Variants in MECOM observed in about 807,000 individuals in gnomAD.
MECOM encodes the protein histone-lysine N-methyltransferase MECOM.
MECOM carries 13 observed loss-of-function variants against 116.3 expected under a neutral mutation model. That is an observed-to-expected ratio of 0.11 (90% CI 0.07 to 0.18). The LOEUF (loss-of-function observed/expected upper bound fraction) is 0.18, where lower values mean the gene tolerates loss of function less well. Ranked by LOEUF, MECOM falls within the 10% of genes least tolerant of loss-of-function variation. The pLI is 1.00. For missense variants in MECOM, 1,299 were observed against 1,509.0 expected (o/e 0.86, Z 2.31); for synonymous variants, 528 against 535.2 (o/e 0.99, Z 0.19).
rs964287290 is a variant in MECOM at position 169,265,951 on chromosome 3, GGCTTCTAGCATTATT to G, written c.375+115221_375+115235del. On this transcript the variant is annotated intron_variant, in intron 2 of 16. Coordinates refer to ENST00000651503, the MANE Select transcript of MECOM (RefSeq NM_004991.4). ...CATTAATGGATTTCCAGATGTGGGA[GGCTTCTAGCATTATT>G]GCTTCTTGAAATCTCTTTGATGTCT... is the stretch of plus-strand genomic sequence containing the variant. Among the ~76,000 whole-genome samples, 47 of 152,296 alleles carry G rather than the reference GGCTTCTAGCATTATT, an allele frequency of 3.1e-4. 1 individual carries two copies. Among genetic ancestry groups the G allele is most frequent in the South Asian group, 2.1e-3 (10 of 4,824 alleles).
intron 1 of MECOM, among the ~76,000 whole-genome samples, chr3:169,626,427 A>T (rs1447735502): frequency 6.6e-6 from 1 of 152,228 alleles, no homozygotes; most frequent in African/African-American, 2.4e-5. Flanking sequence ...CCCTCAAAGT[A>T]GTTAACAGGA....
At chr3:169,603,572 C>T (rs1429022774) in intron 1 of MECOM, among the ~76,000 whole-genome samples, 1 of 152,236 alleles carries the variant, frequency 6.6e-6, no homozygotes, top group Non-Finnish European at 1.5e-5. Context: ...ACTTCCAGTC[C>T]TGCAAGCTCC....
At chr3:169,514,766 T>G (rs986237710) in intron 1 of MECOM, among the ~76,000 whole-genome samples, 1 of 152,176 alleles carries the variant, frequency 6.6e-6, no homozygotes, top group Admixed American at 6.5e-5. Flanking sequence ...AAATAACCCC[T>G]GAATGGGTTC....
At position 169,514,528 on chromosome 3, in the gene MECOM, A is replaced by G. The variant is rs558228525; in HGVS notation, c.38-133004T>C. On this transcript the variant is annotated intron_variant, in intron 1 of 16. Coordinates refer to ENST00000651503, the MANE Select transcript of MECOM (RefSeq NM_004991.4). Reference sequence around the variant, plus strand: ...AAAAAGGAATCAAGGTGAATGGAGGATCAACTGTGACCACACTGACTACTG... The same window carrying G: ...AAAAAGGAATCAAGGTGAATGGAGGGTCAACTGTGACCACACTGACTACTG... 2.0e-5 allele frequency among the ~76,000 whole-genome samples: 3 copies of G among 152,350 alleles called. No homozygotes were observed. In the East Asian group the frequency reaches 5.8e-4, roughly 29 times the overall value.
chr3:169,202,820 A>T (rs529538933), intron 2 of MECOM, among the ~76,000 whole-genome samples: 68 of 42,302 alleles, frequency 1.6e-3, no homozygotes, highest in African/African-American at 0.013. Context: ...TGCCATTAGC[A>T]AAAAAAAAAA....
intron 2 of MECOM, chr3:169,147,445 G>A: frequency 1.0e-6 from 1 of 985,454 alleles, no homozygotes; most frequent in Non-Finnish European, 1.2e-6. Flanking sequence ...GAGAAAGGGA[G>A]CTATCTCCCG....
At chr3:169,332,635 T>C (rs1021058821) in intron 2 of MECOM, among the ~76,000 whole-genome samples, 1 of 152,206 alleles carries the variant, frequency 6.6e-6, no homozygotes, top group Non-Finnish European at 1.5e-5. Flanking sequence ...ACCCATATCT[T>C]ACAGATGCAT....
chr3:169,397,783 T>C (rs1243730652), intron 1 of MECOM, among the ~76,000 whole-genome samples: 2 of 152,054 alleles, frequency 1.3e-5, no homozygotes, highest in African/African-American at 4.8e-5. Context: ...AAGTGAGGAG[T>C]AGAAAGGATT....
At chr3:169,516,183 A>G (rs1284665251) in intron 1 of MECOM, among the ~76,000 whole-genome samples, 1 of 152,236 alleles carries the variant, frequency 6.6e-6, no homozygotes, top group African/African-American at 2.4e-5. Flanking sequence ...AGTATGTCAT[A>G]TATAATTCTC....
intron 11 of MECOM, 28 bp from the exon 12 acceptor site, chr3:169,100,990 A>G (rs879260978): frequency 1.3e-6 from 2 of 1,550,496 alleles, no homozygotes; most frequent in Non-Finnish European, 8.9e-7. Flanking sequence ...TTATAAGAGA[A>G]AGTCAGCACA....
chr3:169,258,753 A>G (rs764976482), intron 2 of MECOM, among the ~76,000 whole-genome samples: 4 of 152,220 alleles, frequency 2.6e-5, no homozygotes, highest in Non-Finnish European at 5.9e-5. Flanking sequence ...GTCACTAAAT[A>G]AAAGTGTTGT....
intron 2 of MECOM, among the ~76,000 whole-genome samples, chr3:169,173,764 C>T (rs576616921): frequency 1.3e-5 from 2 of 152,262 alleles, no homozygotes; most frequent in East Asian, 1.9e-4. Flanking sequence ...AATCAAATCA[C>T]GTTAATTCCC....
chr3:169,222,897 A>G (rs928679508), intron 2 of MECOM, among the ~76,000 whole-genome samples: 3 of 152,212 alleles, frequency 2.0e-5, no homozygotes, highest in Admixed American at 6.5e-5. Flanking sequence ...AGGAAATTCC[A>G]TTAATAATGA....
At chr3:169,623,724 TA>T (rs1028145261) in intron 1 of MECOM, among the ~76,000 whole-genome samples, 16 of 151,690 alleles carry the variant, frequency 1.1e-4, no homozygotes, top group African/African-American at 3.9e-4. Context: ...ACTTGGCCCT[TA>T]AAAAAAATCA....
intron 2 of MECOM, among the ~76,000 whole-genome samples, chr3:169,230,092 T>C (rs937682462): frequency 2.0e-5 from 3 of 152,198 alleles, no homozygotes; most frequent in Admixed American, 2.0e-4. Flanking sequence ...TTTACTTCTA[T>C]GTTTACAAAA....
intron 1 of MECOM, among the ~76,000 whole-genome samples, chr3:169,652,475 G>A (rs150219950): frequency 1.2e-3 from 177 of 152,072 alleles, no homozygotes; most frequent in African/African-American, 3.6e-3. Flanking sequence ...GGCTGTTCTC[G>A]GTAAAAGAAA....
At chr3:169,361,697 G>C (rs553617536) in intron 2 of MECOM, among the ~76,000 whole-genome samples, 4 of 151,968 alleles carry the variant, frequency 2.6e-5, no homozygotes, top group South Asian at 4.2e-4. Context: ...GTCAGTGGTA[G>C]AGAATTTGAA....
chr3:169,263,120 TATATATA>T lies in MECOM; in HGVS notation c.375+118060_375+118066del, dbSNP rs1560061111. Among the ~76,000 whole-genome samples the T allele has an allele frequency of 1.9e-3, 166 of 88,154 alleles. 2 individuals are homozygous for T. Among genetic ancestry groups the T allele is most frequent in the African/African-American group, 4.8e-3 (88 of 18,390 alleles). The allele number at this position is 88,154 out of a possible 152,430, so 57.8% of individuals were successfully genotyped here. On this transcript the variant is annotated intron_variant, in intron 2 of 16. Transcript: ENST00000651503. ...ATATATATATATATATATATATATA[TATATATA>T]TGTTTTTTTTTTTTTTTTTGAGACA...
intron 2 of MECOM, among the ~76,000 whole-genome samples, chr3:169,291,543 G>A (rs762686174): frequency 2.6e-5 from 4 of 152,064 alleles, no homozygotes; most frequent in Non-Finnish European, 2.9e-5. Context: ...AGGAGAAGTG[G>A]GCAAATGTCT....
Sources: allele counts gnomAD v4.1 joint callset (sites outside exome capture counted in the v4.1 genomes callset), GRCh38; gene constraint gnomAD v4.1.1; transcripts MANE v1.5; gene names NCBI Gene and HGNC (gene_info 2026-07-23, HGNC 2026-07-21).